The following PCCB variants were observed in gnomAD, a reference collection of about 807,000 sequenced individuals.
The protein encoded by PCCB is propionyl-CoA carboxylase beta chain, mitochondrial.
PCCB carries 43 observed loss-of-function variants against 60.7 expected under a neutral mutation model. The observed-to-expected ratio is 0.71, with a 90% CI of 0.55 to 0.91. The LOEUF is 0.91. PCCB is among the 40% of genes least tolerant of loss of function. PCCB has a pLI of 0.00. For synonymous variants in PCCB, 276 were observed against 255.9 expected (o/e 1.08, Z -0.75); for missense variants, 766 against 702.8 (o/e 1.09, Z -1.02).
intron 10 of PCCB, among the ~76,000 whole-genome samples, chr3:136,319,165 T>C (rs1351564742): frequency 6.6e-6 from 1 of 152,210 alleles, no homozygotes; most frequent in South Asian, 2.1e-4. Flanking sequence ...ACATTAGTCT[T>C]GGTGAGCATC....
intron 6 of PCCB, among the ~76,000 whole-genome samples, chr3:136,286,553 T>G (rs1372213677): frequency 1.3e-5 from 2 of 152,254 alleles, no homozygotes; most frequent in African/African-American, 2.4e-5. Flanking sequence ...GACACTGCCT[T>G]GACTCGTCTT....
At chr3:136,268,089 T>TAG (rs1553775724) in intron 5 of PCCB, among the ~76,000 whole-genome samples, 1 of 13,936 alleles carries the variant, frequency 7.2e-5, no homozygotes, top group Non-Finnish European at 1.7e-4. Context: ...TGTGTGTAGA[T>TAG]ATATATATAT....
intron 9 of PCCB, among the ~76,000 whole-genome samples, chr3:136,315,355 G>GA (rs1476164638): frequency 1.3e-5 from 2 of 151,924 alleles, no homozygotes; most frequent in East Asian, 3.9e-4. Flanking sequence ...CCAACATGGT[G>GA]AAACCATCTC....
intron 10 of PCCB, among the ~76,000 whole-genome samples, chr3:136,324,034 A>G (rs1576357978): frequency 6.8e-6 from 1 of 146,422 alleles, no homozygotes; most frequent in African/African-American, 2.6e-5. Flanking sequence ...ATGTTTGCCT[A>G]GTGTCTTTTT....
intron 9 of PCCB, among the ~76,000 whole-genome samples, chr3:136,312,849 A>T (rs899448252): frequency 1.2e-4 from 19 of 152,334 alleles, no homozygotes; most frequent in African/African-American, 3.4e-4. Flanking sequence ...TCTTGGCAGC[A>T]TGTATCCCAG....
chr3:136,297,348 C>T (rs771889660), intron 7 of PCCB, among the ~76,000 whole-genome samples: 5 of 152,092 alleles, frequency 3.3e-5, no homozygotes, highest in Non-Finnish European at 4.4e-5. Context: ...TGGGATGAAC[C>T]TGGGGAGAGA....
intron 9 of PCCB, 136 bp from the exon 10 acceptor site, chr3:136,316,805 T>G: frequency 2.0e-6 from 2 of 1,003,590 alleles, no homozygotes; most frequent in Non-Finnish European, 3.1e-6. Flanking sequence ...CCTGCTTCCT[T>G]GGAGAACCTG....
rs1489122254 is a variant in PCCB, at chr3:136,302,513, A to AT, written c.966+1409dup. Among the ~76,000 whole-genome samples the AT allele has an allele frequency of 2.5e-5, 3 of 119,462 alleles. 1 individual carries two copies. Among genetic ancestry groups the AT allele is most frequent in the Non-Finnish European group, 5.6e-5 (3 of 53,782 alleles). The allele number at this position is 119,462 out of a possible 152,430, so 78.4% of individuals were successfully genotyped here. A position where few individuals can be genotyped will look rare whatever the true frequency, so the allele number is the denominator to read the frequency against. On this transcript the variant is annotated intron_variant, in intron 9 of 14. Coordinates refer to ENST00000251654, the MANE Select transcript of PCCB (RefSeq NM_000532.5). ...TACCTATTAAATACTCTTGTTTGTA[A>AT]TTTTTTTCTGTCATTTATTTAGGGT...
At chr3:136,299,622 A>G (rs1474201451) in intron 8 of PCCB, among the ~76,000 whole-genome samples, 1 of 96,610 alleles carries the variant, frequency 1.0e-5, no homozygotes, top group Non-Finnish European at 2.1e-5. Context: ...ATGTGTATGT[A>G]TAGGTATGCA....
intron 5 of PCCB, among the ~76,000 whole-genome samples, chr3:136,271,039 G>C (rs2108163138): frequency 6.6e-6 from 1 of 152,240 alleles, no homozygotes; most frequent in South Asian, 2.1e-4. Flanking sequence ...TCCTTTGTCA[G>C]GTGCATAGTT....
rs143645462 is a variant in PCCB, at chr3:136,270,853, A to G, written c.543+8788A>G. Among the ~76,000 whole-genome samples, 209 of 152,210 alleles carry G rather than the reference A, an allele frequency of 1.4e-3. No individual in the cohort carries two copies. In the East Asian group the frequency reaches 0.033, roughly 24 times the overall value. ...GCCGTTTTTGTAGGAGTAAGGTGGT[A>G]TCTCATTGTGGTTTTCATTTGCATT... On this transcript the variant is annotated intron_variant, in intron 5 of 14. Coordinates refer to ENST00000251654, the MANE Select transcript of PCCB (RefSeq NM_000532.5).
chr3:136,268,136 A>C (rs60614489), intron 5 of PCCB, among the ~76,000 whole-genome samples: 43,030 of 127,902 alleles, frequency 0.34, 8,428 homozygotes, highest in African/African-American at 0.49. Context: ...ATATATATAT[A>C]TATATCTACA....
chr3:136,316,108 G>A (rs1345836199), intron 9 of PCCB, among the ~76,000 whole-genome samples: 1 of 151,290 alleles, frequency 6.6e-6, no homozygotes, highest in East Asian at 2.0e-4. Flanking sequence ...GGTCCTAGTT[G>A]CTTGGGAGGC....
At chr3:136,299,810 G>GTATGCATGTGTATGTATGTA (rs1353916145) in intron 8 of PCCB, among the ~76,000 whole-genome samples, 3 of 148,360 alleles carry the variant, frequency 2.0e-5, no homozygotes, top group Admixed American at 6.6e-5. Flanking sequence ...GTATGTATAG[G>GTATGCATGTGTATGTATGTA]TATGCATGTG....
intron 5 of PCCB, among the ~76,000 whole-genome samples, chr3:136,267,035 A>G (rs1942021791): frequency 6.6e-6 from 1 of 152,108 alleles, no homozygotes; most frequent in South Asian, 2.1e-4. Flanking sequence ...GGTGCATGCC[A>G]CCACGTCCAG....
chr3:136,296,054 A>G (rs543072612), intron 7 of PCCB, among the ~76,000 whole-genome samples: 21 of 151,992 alleles, frequency 1.4e-4, no homozygotes, highest in Non-Finnish European at 2.4e-4. Flanking sequence ...CCGTACATAT[A>G]TTTTTCTCTC....
intron 9 of PCCB, among the ~76,000 whole-genome samples, chr3:136,307,474 TA>T (rs1040521166): frequency 2.6e-5 from 4 of 151,996 alleles, no homozygotes; most frequent in Non-Finnish European, 5.9e-5. Flanking sequence ...CAGATATCAT[TA>T]AAAACAAACT....
In PCCB at chr3:136,326,995, C is replaced by A. The variant is rs536757721; in HGVS notation, c.1198+85C>A. 2.6e-6 allele frequency: 3 copies of A among 1,137,596 alleles called. No individual in the cohort carries two copies. The South Asian group carries it at 3.7e-5, about 14-fold the overall frequency. The allele number at this position is 1,137,596 out of a possible 1,614,324, so 70.5% of individuals were successfully genotyped here. ...TATTTGGAGATCTTCTTGCAGAACT[C>A]CCCGAGGACTTGTGACTTCTCCATG... On this transcript the variant is annotated intron_variant, in intron 11 of 14. Coordinates refer to ENST00000251654, the MANE Select transcript of PCCB (RefSeq NM_000532.5).
intron 5 of PCCB, among the ~76,000 whole-genome samples, chr3:136,275,817 C>T (rs1452145100): frequency 1.3e-5 from 2 of 152,126 alleles, no homozygotes; most frequent in East Asian, 3.9e-4. Flanking sequence ...GTCACTCAGG[C>T]TGGAGTGCAG....
Sources: allele counts gnomAD v4.1 joint callset (sites outside exome capture counted in the v4.1 genomes callset), GRCh38; gene constraint gnomAD v4.1.1; transcripts MANE v1.5; gene names NCBI Gene and HGNC (gene_info 2026-07-23, HGNC 2026-07-21).